RASGRF2: variants seen among roughly 807,000 people sequenced by gnomAD.
RASGRF2 encodes Ras protein specific guanine nucleotide releasing factor 2, also known as ras-specific guanine nucleotide-releasing factor 2.
In RASGRF2, 76 loss-of-function variants were observed where a neutral mutation model predicts 151.0. The observed-to-expected ratio is 0.50, with a 90% CI of 0.42 to 0.61. The LOEUF (loss-of-function observed/expected upper bound fraction) is 0.61, where lower values mean the gene tolerates loss of function less well. RASGRF2 is among the 20% of genes least tolerant of loss of function. The pLI, the probability that RASGRF2 is intolerant of heterozygous loss-of-function variation, is 0.00. For synonymous variants in RASGRF2, 504 were observed against 566.5 expected (o/e 0.89, Z 1.57); for missense variants, 1,148 against 1,564.6 (o/e 0.73, Z 4.49).
At chr5:80,974,021 C>T (rs1206445867) in intron 1 of RASGRF2, among the ~76,000 whole-genome samples, 2 of 152,198 alleles carry the variant, frequency 1.3e-5, no homozygotes, top group Non-Finnish European at 2.9e-5. Context: ...GGTAATGCTC[C>T]TTGCAATATG....
intron 15 of RASGRF2, among the ~76,000 whole-genome samples, chr5:81,116,513 G>A (rs559791543): frequency 3.9e-5 from 6 of 152,220 alleles, no homozygotes; most frequent in South Asian, 2.1e-4. Context: ...TTTCTAGCAC[G>A]GAGTAAACTT....
At position 81,200,315 on chromosome 5, in the gene RASGRF2, C is replaced by T. The variant is rs1277237564; in HGVS notation, c.2794-1015C>T. ...GAAGAAGAATAGTTTTATTTTCTAC[C>T]TTTTTAAAATCTGTCTGTCTTTGTG... On this transcript the variant is annotated intron_variant, in intron 18 of 26. Coordinates refer to ENST00000265080, the MANE Select transcript of RASGRF2 (RefSeq NM_006909.3). 2.0e-5 allele frequency among the ~76,000 whole-genome samples: 3 copies of T among 151,092 alleles called. No individual in the cohort carries two copies. In the East Asian group the frequency reaches 5.8e-4, roughly 29 times the overall value.
chr5:81,225,272 CAGTT>C (rs1227854190), intron 26 of RASGRF2, among the ~76,000 whole-genome samples: 1 of 152,160 alleles, frequency 6.6e-6, no homozygotes, highest in African/African-American at 2.4e-5. Context: ...TACTGTATAG[CAGTT>C]AGAGCTCTAT....
intron 17 of RASGRF2, among the ~76,000 whole-genome samples, chr5:81,160,496 C>T (rs534320088): frequency 6.6e-6 from 1 of 151,640 alleles, no homozygotes; most frequent in East Asian, 1.9e-4. Flanking sequence ...ACAGTGAAAC[C>T]CCATCTCTAC....
intron 1 of RASGRF2, among the ~76,000 whole-genome samples, chr5:80,965,853 G>A (rs1483591671): frequency 6.6e-6 from 1 of 151,968 alleles, no homozygotes; most frequent in African/African-American, 2.4e-5. Context: ...ATTTTTAAAT[G>A]GATTTTTTTC....
intron 26 of RASGRF2, 103 bp downstream of exon 26, chr5:81,219,881 A>C: frequency 7.0e-5 from 58 of 826,822 alleles, no homozygotes; most frequent in Middle Eastern, 3.6e-4. Context: ...AAGCTAGCTC[A>C]TAGAAAAGAC....
intron 23 of RASGRF2, among the ~76,000 whole-genome samples, chr5:81,213,229 G>A (rs949435519): frequency 6.6e-6 from 1 of 152,066 alleles, no homozygotes; most frequent in Non-Finnish European, 1.5e-5. Context: ...ATGATTCATT[G>A]GGTACAGGCT....
rs183782566 is a variant in RASGRF2, at chr5:81,092,598, A to T, written c.1391-203A>T. 1.5e-3 allele frequency among the ~76,000 whole-genome samples: 226 copies of T among 152,314 alleles called. 1 individual carries two copies. Among genetic ancestry groups the T allele is most frequent in the Non-Finnish European group, 2.6e-3 (177 of 68,020 alleles). On this transcript the variant is annotated intron_variant, in intron 9 of 26. Transcript: ENST00000265080. ...ATCAAGTCTAAAGTGTTTCACAAAA[A>T]TATTAGGAACAGTTCAGCCCTTAAA...
chr5:80,984,184 C>G (rs1354266200), intron 1 of RASGRF2, among the ~76,000 whole-genome samples: 1 of 152,168 alleles, frequency 6.6e-6, no homozygotes, highest in African/African-American at 2.4e-5. Context: ...CCTCAGTCTC[C>G]CGAGTAGCTG....
chr5:81,219,012 T>C (rs1024541282), intron 25 of RASGRF2, among the ~76,000 whole-genome samples: 2 of 152,006 alleles, frequency 1.3e-5, no homozygotes, highest in Non-Finnish European at 2.9e-5. Context: ...AATCCAAGGA[T>C]GGCTTCCTAA....
chr5:81,008,672 C>T (rs1183380146), intron 1 of RASGRF2, among the ~76,000 whole-genome samples: 4 of 152,068 alleles, frequency 2.6e-5, no homozygotes, highest in South Asian at 2.1e-4. Flanking sequence ...GGATTCCTCC[C>T]CTCTTCCTTC....
chr5:81,076,698 C>T (rs778926605), intron 5 of RASGRF2, among the ~76,000 whole-genome samples: 2 of 151,970 alleles, frequency 1.3e-5, no homozygotes, highest in Non-Finnish European at 2.9e-5. Flanking sequence ...GAGGCAAGGA[C>T]ATCCACTGAT....
At chr5:80,969,460 T>TC (rs1171282310) in intron 1 of RASGRF2, among the ~76,000 whole-genome samples, 7 of 146,768 alleles carry the variant, frequency 4.8e-5, no homozygotes, top group African/African-American at 1.8e-4. Flanking sequence ...TTTTCTTTTT[T>TC]TTTTTTGAGA....
intron 13 of RASGRF2, 21 bp from the exon 14 acceptor site, chr5:81,112,589 T>C: frequency 8.1e-6 from 13 of 1,613,028 alleles, no homozygotes; most frequent in Non-Finnish European, 1.1e-5. Context: ...TTTACCATCA[T>C]GTTCCTGCCT....
chr5:80,996,288 C>T (rs114395185), intron 1 of RASGRF2, among the ~76,000 whole-genome samples: 48 of 151,962 alleles, frequency 3.2e-4, no homozygotes, highest in Non-Finnish European at 6.2e-4. Context: ...CAGGCATGAC[C>T]AGTTAAGTTA....
chr5:81,208,760 A>G (rs931012563), intron 22 of RASGRF2, among the ~76,000 whole-genome samples: 28 of 151,994 alleles, frequency 1.8e-4, no homozygotes, highest in African/African-American at 6.8e-4. Flanking sequence ...CATGTCGGCC[A>G]GACTGGTCTC....
In RASGRF2 at chr5:81,112,777, A is replaced by G; in HGVS notation, c.2006A>G (p.Tyr669Cys). The change falls in exon 14 of 27, where the codon TAT (tyrosine) becomes TGT (cysteine). Residue 669 changes from tyrosine (Y) to cysteine (C), a missense_variant. By Grantham distance (194) the Tyr-to-Cys change is radical. Around this residue, in one of 5 missense-constraint regions of RASGRF2, gnomAD observed 646 missense variants for 807.4 expected, o/e 0.80. Coordinates refer to ENST00000265080, the MANE Select transcript of RASGRF2 (RefSeq NM_006909.3). ...TTCCTCAACACCTTTCTGCACACCT[A>G]TCGTATTTTCACTACTGCCGCTGTG... The part of the protein sequence containing the change: ...IDFLNTFLHT[Y>C]RIFTTAAVVL... The G allele has an allele frequency of 6.2e-7, 1 of 1,614,126 alleles. No homozygotes were observed. Among genetic ancestry groups the G allele is most frequent in the East Asian group, 2.2e-5 (1 of 44,876 alleles).
chr5:81,100,427 C>G (rs1752670338), intron 12 of RASGRF2, among the ~76,000 whole-genome samples: 2 of 152,076 alleles, frequency 1.3e-5, no homozygotes, highest in African/African-American at 4.8e-5. Context: ...TTAGAAGGAA[C>G]GATTGCTTGA....
In RASGRF2 at chr5:81,071,191, T is replaced by G. The variant is rs992396392; in HGVS notation, c.633+610T>G. Among the ~76,000 whole-genome samples the G allele has an allele frequency of 3.3e-5, 5 of 152,240 alleles. No individual in the cohort carries two copies. In the South Asian group the frequency reaches 6.2e-4, roughly 19 times the overall value. ...ATCTTGATTGTCTTATATAAAGCAC[T>G]ACTCAGCTTTGTTAATAATAAGTGG... On this transcript the variant is annotated intron_variant, in intron 4 of 26. Transcript: ENST00000265080.
Sources: allele counts gnomAD v4.1 joint callset (sites outside exome capture counted in the v4.1 genomes callset), GRCh38; gene constraint gnomAD v4.1.1; regional missense constraint gnomAD v4.1.1; transcripts MANE v1.5; gene names NCBI Gene and HGNC (gene_info 2026-07-23, HGNC 2026-07-21).